PEBP4: variants seen among roughly 807,000 people sequenced by gnomAD.
The protein encoded by PEBP4 is phosphatidylethanolamine-binding protein 4.
In PEBP4, 22 loss-of-function variants were observed where a neutral mutation model predicts 23.9. The ratio of observed to expected loss-of-function variants is 0.92; its 90% CI spans 0.66 to 1.31. The LOEUF is 1.31. Among genes scored for constraint, PEBP4 ranks in the 40% most tolerant of loss-of-function variants. PEBP4 has a pLI of 0.00. For synonymous variants in PEBP4, 112 were observed against 99.3 expected (o/e 1.13, Z -0.76); for missense variants, 324 against 281.7 (o/e 1.15, Z -1.07).
intron 4 of PEBP4, among the ~76,000 whole-genome samples, chr8:22,766,304 C>T (rs1178718706): frequency 1.3e-5 from 2 of 152,224 alleles, no homozygotes; most frequent in African/African-American, 4.8e-5. Context: ...TGGGAAATGC[C>T]AAACAAAGTG....
At chr8:22,921,320 G>T (rs1221590997) in intron 2 of PEBP4, among the ~76,000 whole-genome samples, 4 of 152,236 alleles carry the variant, frequency 2.6e-5, no homozygotes, top group African/African-American at 9.6e-5. Flanking sequence ...CTAACACCTT[G>T]CAGGGCTAAG....
intron 4 of PEBP4, among the ~76,000 whole-genome samples, chr8:22,797,939 G>A (rs966896988): frequency 6.6e-5 from 10 of 152,140 alleles, no homozygotes; most frequent in African/African-American, 2.2e-4. Flanking sequence ...GGTGCAGGAG[G>A]GAGGCGAGGA....
At chr8:22,934,582 G>A (rs934646097) in intron 1 of PEBP4, among the ~76,000 whole-genome samples, 3 of 152,194 alleles carry the variant, frequency 2.0e-5, no homozygotes, top group Non-Finnish European at 4.4e-5. Flanking sequence ...CATGCCTGTA[G>A]TTCCAGCTGC....
At chr8:22,922,090 G>C (rs1316888488) in intron 2 of PEBP4, among the ~76,000 whole-genome samples, 1 of 152,256 alleles carries the variant, frequency 6.6e-6, no homozygotes, top group Non-Finnish European at 1.5e-5. Context: ...CAGAGCCACA[G>C]AGAGTGCCCT....
chr8:22,880,319 G>A (rs1808221167), intron 3 of PEBP4, among the ~76,000 whole-genome samples: 1 of 152,180 alleles, frequency 6.6e-6, no homozygotes, highest in Non-Finnish European at 1.5e-5. Context: ...GCTTTTGTGA[G>A]GGTCAAATGA....
At chr8:22,873,514 C>T (rs1319731838) in intron 3 of PEBP4, among the ~76,000 whole-genome samples, 3 of 152,026 alleles carry the variant, frequency 2.0e-5, no homozygotes, top group Admixed American at 2.0e-4. Flanking sequence ...GCTTGTAGTC[C>T]CAGCTACTCA....
chr8:22,833,301 G>T (rs1022442441), intron 3 of PEBP4, among the ~76,000 whole-genome samples: 1 of 152,142 alleles, frequency 6.6e-6, no homozygotes, highest in African/African-American at 2.4e-5. Context: ...GGAGTCTACA[G>T]GAAACTGAGG....
intron 4 of PEBP4, among the ~76,000 whole-genome samples, chr8:22,760,786 C>A (rs1045639091): frequency 1.2e-4 from 19 of 152,186 alleles, no homozygotes; most frequent in Non-Finnish European, 2.9e-5. Flanking sequence ...AACCCCCAGA[C>A]AACTAACTCA....
intron 4 of PEBP4, 102 bp from the exon 5 acceptor site, chr8:22,727,322 A>C: frequency 9.1e-7 from 1 of 1,103,222 alleles, no homozygotes; most frequent in South Asian, 1.3e-5. Context: ...GGAGGATGGG[A>C]GAGGAAGGAG....
chr8:22,827,990 C>G (rs567602238), intron 3 of PEBP4, among the ~76,000 whole-genome samples: 3 of 152,296 alleles, frequency 2.0e-5, no homozygotes, highest in Non-Finnish European at 2.9e-5. Flanking sequence ...AGTTCCTTTT[C>G]ATGTCCTTAT....
chr8:22,843,271 C>T (rs957437337), intron 3 of PEBP4, among the ~76,000 whole-genome samples: 2 of 152,170 alleles, frequency 1.3e-5, no homozygotes, highest in African/African-American at 4.8e-5. Context: ...CCAGGCCCTG[C>T]AATTCTATTT....
At position 22,776,890 on chromosome 8, in the gene PEBP4, C is replaced by T. The variant is rs554880385; in HGVS notation, c.357+40747G>A. ...CTGGGAGGTGGTTGGCACATGGCCT[C>T]ATAACATTAGCCAGACTGGCCTGAA... On this transcript the variant is annotated intron_variant, in intron 4 of 6. Coordinates refer to ENST00000256404, the MANE Select transcript of PEBP4 (RefSeq NM_144962.3). Among the ~76,000 whole-genome samples, 4 of 151,502 alleles carry T rather than the reference C, an allele frequency of 2.6e-5. No homozygotes were observed. In the South Asian group the frequency reaches 8.4e-4, roughly 32 times the overall value.
At chr8:22,874,874 A>G (rs1808088971) in intron 3 of PEBP4, among the ~76,000 whole-genome samples, 1 of 152,112 alleles carries the variant, frequency 6.6e-6, no homozygotes, top group South Asian at 2.1e-4. Flanking sequence ...AGCTTTTCTG[A>G]TTCTTTGGTA....
chr8:22,845,310 G>C (rs866305535), intron 3 of PEBP4, among the ~76,000 whole-genome samples: 72 of 151,318 alleles, frequency 4.8e-4, no homozygotes, highest in African/African-American at 1.6e-3. Context: ...AAGGCAGGAG[G>C]ATCACTTGAG....
At chr8:22,794,599 T>C (rs1806205338) in intron 4 of PEBP4, among the ~76,000 whole-genome samples, 1 of 152,200 alleles carries the variant, frequency 6.6e-6, no homozygotes, top group Non-Finnish European at 1.5e-5. Flanking sequence ...ATACAATTAT[T>C]ATCTTACTGA....
At chr8:22,769,680 C>T (rs1452561393) in intron 4 of PEBP4, among the ~76,000 whole-genome samples, 1 of 152,192 alleles carries the variant, frequency 6.6e-6, no homozygotes. Flanking sequence ...TATCACCCTT[C>T]CCCAGTCACT....
chr8:22,774,590 G>A (rs1277560514), intron 4 of PEBP4, among the ~76,000 whole-genome samples: 4 of 152,186 alleles, frequency 2.6e-5, no homozygotes, highest in African/African-American at 7.2e-5. Flanking sequence ...AAAAATCACC[G>A]ATGGGGGGTA....
intron 3 of PEBP4, among the ~76,000 whole-genome samples, chr8:22,862,483 G>A (rs780948998): frequency 2.7e-4 from 41 of 152,118 alleles, no homozygotes; most frequent in Admixed American, 7.9e-4. Flanking sequence ...CACAGGATCC[G>A]AAAACAGCAA....
intron 3 of PEBP4, among the ~76,000 whole-genome samples, chr8:22,872,682 A>C (rs1808028800): frequency 6.6e-6 from 1 of 151,980 alleles, no homozygotes; most frequent in African/African-American, 2.4e-5. Context: ...ACTGGTTTAA[A>C]ATTTTTGTTT....
Sources: allele counts gnomAD v4.1 joint callset (sites outside exome capture counted in the v4.1 genomes callset), GRCh38; gene constraint gnomAD v4.1.1; transcripts MANE v1.5; gene names NCBI Gene and HGNC (gene_info 2026-07-23, HGNC 2026-07-21).